The following UGT1A10 variants were observed in gnomAD, a reference collection of about 807,000 sequenced individuals.
The protein encoded by UGT1A10 is UDP glucuronosyltransferase family 1 member A10, also known as UDP-glucuronosyltransferase 1A10.
A neutral mutation model predicts 45.8 loss-of-function variants in UGT1A10; 49 were observed. The observed-to-expected ratio is 1.07, with a 90% CI of 0.85 to 1.36. The LOEUF is 1.36. Among genes scored for constraint, UGT1A10 ranks in the 40% most tolerant of loss-of-function variants. The pLI is 0.00. For missense variants in UGT1A10, 745 were observed against 668.6 expected (o/e 1.11, Z -1.26); for synonymous variants, 284 against 249.7 (o/e 1.14, Z -1.29).
At chr2:233,641,162 G>T (rs1043782406) in intron 1 of UGT1A10, among the ~76,000 whole-genome samples, 8 of 152,088 alleles carry the variant, frequency 5.3e-5, no homozygotes, top group African/African-American at 1.7e-4. Flanking sequence ...TTCTCTTGCT[G>T]ACTATCTTGC....
chr2:233,730,151 G>T (rs947267148), intron 1 of UGT1A10, among the ~76,000 whole-genome samples: 3 of 152,154 alleles, frequency 2.0e-5, no homozygotes, highest in Admixed American at 2.0e-4. Flanking sequence ...AACTGTTAAG[G>T]GGTCTCTAGT....
chr2:233,698,097 C>A (rs1330265062), intron 1 of UGT1A10, among the ~76,000 whole-genome samples: 3 of 152,172 alleles, frequency 2.0e-5, no homozygotes, highest in African/African-American at 7.2e-5. Context: ...TTTTTGAGCC[C>A]TGTGACCCTG....
chr2:233,696,423 T>G (rs1466481470), intron 1 of UGT1A10, among the ~76,000 whole-genome samples: 1 of 152,216 alleles, frequency 6.6e-6, no homozygotes, highest in African/African-American at 2.4e-5. Flanking sequence ...CCTTTTCAGT[T>G]TTTTCTCTGT....
In UGT1A10 at chr2:233,695,130, C is replaced by CTTTCTTTTTTT. The variant is rs1364557158; in HGVS notation, c.855+57756_855+57757insCTTTTTTTTTT. Among the ~76,000 whole-genome samples, 82 of 138,816 alleles carry CTTTCTTTTTTT rather than the reference C, an allele frequency of 5.9e-4. 2 individuals carry two copies. Among genetic ancestry groups the CTTTCTTTTTTT allele is most frequent in the South Asian group, 1.4e-3 (6 of 4,416 alleles). The allele number at this position is 138,816 out of a possible 152,430, so 91.1% of individuals were successfully genotyped here. On this transcript the variant is annotated intron_variant, in intron 1 of 4. Transcript: ENST00000344644. ...GCCCATTAACCAACCCTTTTCTTTT[C>CTTTCTTTTTTT]TTTTTTTTTTTTTTGAGACAGAGTC...
At chr2:233,648,888 C>G in intron 1 of UGT1A10, 1 of 1,303,164 alleles carries the variant, frequency 7.7e-7, no homozygotes, top group Non-Finnish European at 1.1e-6. Context: ...AAACACCTGT[C>G]ATGGCATATG....
chr2:233,639,653 A>G (rs2073395894), intron 1 of UGT1A10, among the ~76,000 whole-genome samples: 1 of 152,304 alleles, frequency 6.6e-6, no homozygotes, highest in East Asian at 1.9e-4. Flanking sequence ...GACCCTGCAC[A>G]GGGGATTTCT....
At position 233,648,594 on chromosome 2, in the gene UGT1A10, G is replaced by A. The variant is rs557586465; in HGVS notation, c.855+11217G>A. ...CTCTGCCTCAGCCTCCCAAGTAGCT[G>A]GGACTACAGGTGCCTGCCACCACGC... On this transcript the variant is annotated intron_variant, in intron 1 of 4. Transcript: ENST00000344644. 8.6e-5 allele frequency among the ~76,000 whole-genome samples: 13 copies of A among 150,988 alleles called. No homozygotes were observed. In the East Asian group the frequency reaches 2.2e-3, roughly 25 times the overall value.
intron 1 of UGT1A10, among the ~76,000 whole-genome samples, chr2:233,677,333 T>C (rs2074387834): frequency 6.6e-6 from 1 of 152,160 alleles, no homozygotes; most frequent in Non-Finnish European, 1.5e-5. Flanking sequence ...GCTAGTATAG[T>C]TGACCCCTGA....
intron 2 of UGT1A10, among the ~76,000 whole-genome samples, chr2:233,767,644 C>T (rs983421121): frequency 2.0e-5 from 3 of 152,120 alleles, no homozygotes; most frequent in South Asian, 4.1e-4. Flanking sequence ...CACAAATTCA[C>T]GTAGTGCATA....
intron 1 of UGT1A10, chr2:233,747,103 T>G: frequency 7.3e-7 from 1 of 1,362,910 alleles, no homozygotes. Context: ...TATCTTCCAA[T>G]TACATGATGA....
intron 1 of UGT1A10, among the ~76,000 whole-genome samples, chr2:233,653,923 G>C (rs1248819793): frequency 6.6e-6 from 1 of 152,204 alleles, no homozygotes; most frequent in Non-Finnish European, 1.5e-5. Flanking sequence ...CACAGATGCA[G>C]ATGTACAAAA....
chr2:233,719,979 C>T (rs2076818736), intron 1 of UGT1A10, among the ~76,000 whole-genome samples: 1 of 152,162 alleles, frequency 6.6e-6, no homozygotes, highest in Non-Finnish European at 1.5e-5. Flanking sequence ...TTCAGCTCGG[C>T]AGGATCAGGG....
chr2:233,671,047 G>A (rs747886616), intron 1 of UGT1A10, among the ~76,000 whole-genome samples: 3 of 152,150 alleles, frequency 2.0e-5, no homozygotes, highest in Non-Finnish European at 4.4e-5. Flanking sequence ...CAAAGGCATA[G>A]CATGGGTACT....
intron 1 of UGT1A10, among the ~76,000 whole-genome samples, chr2:233,655,348 G>A (rs758887028): frequency 1.3e-5 from 2 of 152,136 alleles, no homozygotes; most frequent in Non-Finnish European, 2.9e-5. Context: ...GTTTAACACT[G>A]GAAGTCTCAC....
rs34459843 is a variant in UGT1A10 at position 233,690,776 on chromosome 2, TACACACACAC to T, written c.855+53414_855+53423del. ...GTGCAGACATACACACACACACACA[TACACACACAC>T]ACACACACACACACCATTCTTAGTA... On this transcript the variant is annotated intron_variant, in intron 1 of 4. Transcript: ENST00000344644. 189 of 1,063,532 alleles carry T rather than the reference TACACACACAC, an allele frequency of 1.8e-4. 1 individual carries two copies. The African/African-American group carries it at 2.4e-3, about 13-fold the overall frequency. 65.9% of individuals were successfully genotyped at this position (1,063,532 alleles called of 1,614,324 possible).
intron 1 of UGT1A10, among the ~76,000 whole-genome samples, chr2:233,759,835 C>T (rs1697265176): frequency 6.6e-6 from 1 of 152,172 alleles, no homozygotes; most frequent in African/African-American, 2.4e-5. Flanking sequence ...GTGGAGTGGG[C>T]ACTCTTACAG....
chr2:233,690,825 C>G, intron 1 of UGT1A10: 1 of 1,064,826 alleles, frequency 9.4e-7, no homozygotes, highest in Non-Finnish European at 1.1e-6. Context: ...TCAAAGCTCA[C>G]AGGAGAAAGA....
At chr2:233,745,011 G>A (rs1692986382) in intron 1 of UGT1A10, among the ~76,000 whole-genome samples, 1 of 151,810 alleles carries the variant, frequency 6.6e-6, no homozygotes, top group South Asian at 2.1e-4. Flanking sequence ...CCTAATAAAT[G>A]TAAATGCTAT....
chr2:233,672,014 A>G (rs2074206931), intron 1 of UGT1A10: 2 of 1,614,010 alleles, frequency 1.2e-6, no homozygotes, highest in Non-Finnish European at 1.7e-6. Context: ...GAGGCAGGGA[A>G]GCTACTGGTA....
Sources: allele counts gnomAD v4.1 joint callset (sites outside exome capture counted in the v4.1 genomes callset), GRCh38; gene constraint gnomAD v4.1.1; transcripts MANE v1.5; gene names NCBI Gene and HGNC (gene_info 2026-07-23, HGNC 2026-07-21).